Variants in CDKAL1 observed in about 807,000 individuals in gnomAD.
The protein encoded by CDKAL1 is CDKAL1 threonylcarbamoyladenosine tRNA methylthiotransferase, also known as threonylcarbamoyladenosine tRNA methylthiotransferase.
Under a neutral mutation model 68.2 loss-of-function variants are expected in CDKAL1, and 32 were observed. The ratio of observed to expected loss-of-function variants is 0.47; its 90% CI spans 0.35 to 0.63. The LOEUF is 0.63. Ranked by LOEUF, CDKAL1 falls within the 30% of genes least tolerant of loss-of-function variation. CDKAL1 has a pLI of 0.00. For missense variants in CDKAL1, 606 were observed against 696.7 expected, an observed-to-expected ratio of 0.87 and a Z score of 1.47; for synonymous variants, 234 against 244.3, an observed-to-expected ratio of 0.96 and a Z score of 0.39.
intron 2 of CDKAL1, among the ~76,000 whole-genome samples, chr6:20,545,998 C>G (rs1191193821): frequency 6.6e-6 from 1 of 152,154 alleles, no homozygotes; most frequent in Non-Finnish European, 1.5e-5. Context: ...CAATCAAGAA[C>G]ATGAACTGCA....
chr6:21,008,683 T>C (rs1767858237), intron 11 of CDKAL1, among the ~76,000 whole-genome samples: 1 of 152,164 alleles, frequency 6.6e-6, no homozygotes, highest in Non-Finnish European at 1.5e-5. Context: ...CATCCCCAGT[T>C]CCTTGCACAG....
At position 21,192,032 on chromosome 6, in the gene CDKAL1, T is replaced by C. The variant is rs1362185621; in HGVS notation, c.1300-5989T>C. ...TTTTTTTTTTTTTTTTTTTTTTTTT[T>C]GAGACGGAGTCTCGCTCTGTCGCCC... On this transcript the variant is annotated intron_variant, in intron 13 of 15. Coordinates refer to ENST00000274695, the MANE Select transcript of CDKAL1 (RefSeq NM_017774.3). Among the ~76,000 whole-genome samples the C allele has an allele frequency of 6.3e-4, 72 of 114,154 alleles. 2 individuals carry two copies. The highest frequency in any genetic ancestry group is 2.5e-3 in the African/African-American group (71 of 28,150). 74.9% of individuals were successfully genotyped at this position (114,154 alleles called of 152,430 possible).
intron 10 of CDKAL1, among the ~76,000 whole-genome samples, chr6:20,988,032 A>C (rs1766571456): frequency 6.9e-6 from 1 of 144,746 alleles, no homozygotes; most frequent in Non-Finnish European, 1.5e-5. Context: ...CTATCCTCCC[A>C]CCCTGGCCTC....
intron 13 of CDKAL1, among the ~76,000 whole-genome samples, chr6:21,136,122 G>A (rs534385768): frequency 3.3e-5 from 5 of 152,262 alleles, no homozygotes; most frequent in Admixed American, 1.3e-4. Flanking sequence ...TCCAACTCAG[G>A]GAAATCACTG....
intron 10 of CDKAL1, among the ~76,000 whole-genome samples, chr6:20,966,770 T>G (rs1408699842): frequency 6.6e-6 from 1 of 152,236 alleles, no homozygotes; most frequent in African/African-American, 2.4e-5. Flanking sequence ...TATCAGCTTT[T>G]ATTTTGCAAT....
intron 13 of CDKAL1, among the ~76,000 whole-genome samples, chr6:21,164,897 G>A (rs6941714): frequency 0.25 from 37,775 of 152,092 alleles, 5,069 homozygotes; most frequent in African/African-American, 0.32. Context: ...GCCATCACTA[G>A]GCTGTAAAGC....
chr6:20,548,552 CAATG>C (rs1763693501), intron 3 of CDKAL1, 37 bp from the exon 4 acceptor site: 2 of 909,974 alleles, frequency 2.2e-6, no homozygotes, highest in African/African-American at 1.7e-5. Flanking sequence ...AAAAATCACT[CAATG>C]AAACTTACTT....
chr6:20,583,980 G>T (rs551125700), intron 4 of CDKAL1, among the ~76,000 whole-genome samples: 2 of 151,038 alleles, frequency 1.3e-5, no homozygotes, highest in African/African-American at 4.9e-5. Flanking sequence ...ATGTAATTCA[G>T]ATTACAGGAT....
At chr6:20,872,232 A>G (rs1455320094) in intron 9 of CDKAL1, among the ~76,000 whole-genome samples, 1 of 152,246 alleles carries the variant, frequency 6.6e-6, no homozygotes, top group Non-Finnish European at 1.5e-5. Context: ...AAAATAATTC[A>G]TTATTACTCT....
intron 12 of CDKAL1, among the ~76,000 whole-genome samples, chr6:21,095,695 C>T (rs1199783490): frequency 1.3e-5 from 2 of 151,960 alleles, no homozygotes; most frequent in Non-Finnish European, 2.9e-5. Flanking sequence ...TGTAGTATCC[C>T]TTGCTCTACA....
chr6:21,000,768 G>A (rs554852239), intron 11 of CDKAL1, among the ~76,000 whole-genome samples: 32 of 152,282 alleles, frequency 2.1e-4, no homozygotes, highest in South Asian at 6.2e-4. Flanking sequence ...CTACAAAATA[G>A]ATAATTTTCT....
intron 9 of CDKAL1, among the ~76,000 whole-genome samples, chr6:20,933,219 A>ACC (rs1763551085): frequency 2.6e-5 from 4 of 152,218 alleles, no homozygotes; most frequent in Non-Finnish European, 5.9e-5. Flanking sequence ...GAATTTAAGT[A>ACC]TTTACCTTAC....
intron 8 of CDKAL1, among the ~76,000 whole-genome samples, chr6:20,816,712 G>A (rs1210570094): frequency 1.3e-5 from 2 of 151,962 alleles, no homozygotes; most frequent in African/African-American, 2.4e-5. Context: ...AAAAAATAGT[G>A]GCATGAGTGT....
chr6:21,226,722 T>A (rs1019702374), intron 15 of CDKAL1, among the ~76,000 whole-genome samples: 1 of 152,034 alleles, frequency 6.6e-6, no homozygotes, highest in African/African-American at 2.4e-5. Context: ...TTTGTTTTGT[T>A]TTGTTTTTGA....
At chr6:20,687,961 C>A (rs1443274759) in intron 5 of CDKAL1, among the ~76,000 whole-genome samples, 2 of 151,754 alleles carry the variant, frequency 1.3e-5, no homozygotes, top group Admixed American at 1.3e-4. Context: ...AGTATTTTTC[C>A]TTCACTTTTG....
intron 4 of CDKAL1, among the ~76,000 whole-genome samples, chr6:20,625,830 A>G (rs1306945501): frequency 6.6e-6 from 1 of 152,132 alleles, no homozygotes; most frequent in African/African-American, 2.4e-5. Context: ...AAATGGCCAG[A>G]TTTTGTAAGA....
chr6:20,770,622 C>T (rs1377799593), intron 7 of CDKAL1, among the ~76,000 whole-genome samples: 1 of 152,110 alleles, frequency 6.6e-6, no homozygotes, highest in East Asian at 1.9e-4. Context: ...TTGACTAGAA[C>T]TAAGAATCTC....
chr6:21,161,811 A>C (rs1439206645), intron 13 of CDKAL1, among the ~76,000 whole-genome samples: 1 of 152,192 alleles, frequency 6.6e-6, no homozygotes, highest in African/African-American at 2.4e-5. Flanking sequence ...AAGGCTTGAT[A>C]ATTTGAGTTT....
chr6:20,734,727 G>A lies in CDKAL1; in HGVS notation c.372-4792G>A, dbSNP rs534673480. 2.0e-5 allele frequency among the ~76,000 whole-genome samples: 3 copies of A among 152,248 alleles called. No homozygotes were observed. In the East Asian group the frequency reaches 5.8e-4, roughly 29 times the overall value. On this transcript the variant is annotated intron_variant, in intron 5 of 15. Transcript: ENST00000274695. ...TTAAAGCCAAATTTAAAAAAATAAT[G>A]AAATAATTTTTTCCCCAAAGCCAAT... is the stretch of plus-strand genomic sequence containing the variant.
Sources: allele counts gnomAD v4.1 joint callset (sites outside exome capture counted in the v4.1 genomes callset), GRCh38; gene constraint gnomAD v4.1.1; transcripts MANE v1.5; gene names NCBI Gene and HGNC (gene_info 2026-07-23, HGNC 2026-07-21).